Variants in PARD3 observed in about 807,000 individuals in gnomAD.
PARD3 encodes the protein partitioning defective 3 homolog.
In PARD3, 75 loss-of-function variants were observed where a neutral mutation model predicts 155.4. That is an observed-to-expected ratio of 0.48 (90% confidence interval 0.40 to 0.58). The LOEUF (loss-of-function observed/expected upper bound fraction) is 0.58. Ranked by LOEUF, PARD3 falls within the 20% of genes least tolerant of loss-of-function variation. PARD3 has a pLI of 0.00. For missense variants in PARD3, 1,642 were observed against 1,721.7 expected (o/e 0.95, Z 0.82); for synonymous variants, 576 against 610.5 (o/e 0.94, Z 0.83).
At chr10:34,483,573 T>A (rs1442576054) in intron 3 of PARD3, among the ~76,000 whole-genome samples, 2 of 151,916 alleles carry the variant, frequency 1.3e-5, no homozygotes, top group Non-Finnish European at 2.9e-5. Flanking sequence ...TTTCCTCATA[T>A]ATGTGCTGAG....
chr10:34,296,563 G>A (rs972109213), intron 20 of PARD3, among the ~76,000 whole-genome samples: 1 of 152,100 alleles, frequency 6.6e-6, no homozygotes. Context: ...ATATTAAAAT[G>A]AACTTTATAA....
intron 2 of PARD3, among the ~76,000 whole-genome samples, chr10:34,602,216 T>C (rs1435570832): frequency 3.3e-5 from 5 of 152,212 alleles, no homozygotes; most frequent in Admixed American, 3.3e-4. Flanking sequence ...ACTGGACAGA[T>C]CAATATATGT....
intron 2 of PARD3, among the ~76,000 whole-genome samples, chr10:34,565,955 A>G (rs1317446958): frequency 1.3e-5 from 2 of 152,202 alleles, no homozygotes; most frequent in East Asian, 1.9e-4. Flanking sequence ...TCATTTTTCA[A>G]TGATTAAATA....
intron 5 of PARD3, among the ~76,000 whole-genome samples, chr10:34,417,130 C>T (rs768990362): frequency 4.6e-5 from 7 of 152,128 alleles, no homozygotes; most frequent in Non-Finnish European, 8.8e-5. Context: ...CCAAATTGTA[C>T]ATAAAAACCC....
At position 34,776,807 on chromosome 10, in the gene PARD3, T is replaced by A. The variant is rs1588698588; in HGVS notation, c.120+38069A>T. ...AAAAAAACAAATTAAGGAGACTATT[T>A]CCAAGTATTTTCAGTCGTGTTTTTT... On this transcript the variant is annotated intron_variant, in intron 1 of 24. Transcript: ENST00000374788. Among the ~76,000 whole-genome samples the A allele has an allele frequency of 2.3e-5, 3 of 132,016 alleles. No individual in the cohort carries two copies. In the Admixed American group the frequency reaches 2.5e-4, roughly 11 times the overall value. The allele number at this position is 132,016 out of a possible 152,430, so 86.6% of individuals were successfully genotyped here.
intron 1 of PARD3, among the ~76,000 whole-genome samples, chr10:34,790,695 G>A (rs1196346132): frequency 1.3e-5 from 2 of 152,338 alleles, no homozygotes; most frequent in South Asian, 4.1e-4. Flanking sequence ...TTTATTGTAA[G>A]ATTTGTGTAA....
chr10:34,125,525 A>G (rs1386186133), intron 23 of PARD3, among the ~76,000 whole-genome samples: 6 of 152,226 alleles, frequency 3.9e-5, no homozygotes, highest in Non-Finnish European at 7.3e-5. Context: ...AAAGATGGAA[A>G]CGAAAGGAAA....
chr10:34,754,589 T>A (rs1836476221), intron 1 of PARD3, among the ~76,000 whole-genome samples: 2 of 152,212 alleles, frequency 1.3e-5, no homozygotes, highest in Non-Finnish European at 2.9e-5. Context: ...CCTTTTCATA[T>A]CATAGATACA....
chr10:34,165,321 T>C (rs1949478593), intron 22 of PARD3, among the ~76,000 whole-genome samples: 1 of 152,162 alleles, frequency 6.6e-6, no homozygotes, highest in Non-Finnish European at 1.5e-5. Context: ...CTTCTTCACT[T>C]CCCTTTTGAA....
intron 2 of PARD3, among the ~76,000 whole-genome samples, chr10:34,680,389 T>A (rs1286418441): frequency 6.6e-6 from 1 of 151,900 alleles, no homozygotes; most frequent in Admixed American, 6.6e-5. Flanking sequence ...TGAAACCCCA[T>A]CTCTACTAAA....
intron 22 of PARD3, among the ~76,000 whole-genome samples, chr10:34,134,471 T>C (rs948231591): frequency 6.6e-6 from 1 of 152,212 alleles, no homozygotes; most frequent in Admixed American, 6.5e-5. Context: ...CTCCTACTAT[T>C]TGCAATTCAC....
At chr10:34,807,299 A>G (rs772321813) in intron 1 of PARD3, among the ~76,000 whole-genome samples, 2 of 152,246 alleles carry the variant, frequency 1.3e-5, no homozygotes, top group Non-Finnish European at 2.9e-5. Context: ...ATGTCATTTT[A>G]TGAAATGCTC....
At chr10:34,486,388 G>C (rs984789946) in intron 3 of PARD3, among the ~76,000 whole-genome samples, 1 of 152,100 alleles carries the variant, frequency 6.6e-6, no homozygotes, top group Non-Finnish European at 1.5e-5. Context: ...TTTATTTTTT[G>C]TTTACAGTCT....
intron 2 of PARD3, among the ~76,000 whole-genome samples, chr10:34,584,872 A>C (rs1270215396): frequency 6.6e-6 from 1 of 152,136 alleles, no homozygotes; most frequent in Non-Finnish European, 1.5e-5. Context: ...CAGGCTCATT[A>C]GGTCTTCCCC....
intron 1 of PARD3, among the ~76,000 whole-genome samples, chr10:34,749,831 C>T (rs939391116): frequency 1.3e-5 from 2 of 151,898 alleles, no homozygotes; most frequent in African/African-American, 2.4e-5. Context: ...GACCAGCCTG[C>T]GCAACATGGT....
intron 2 of PARD3, among the ~76,000 whole-genome samples, chr10:34,566,033 A>G (rs1261761686): frequency 1.3e-5 from 2 of 152,254 alleles, no homozygotes; most frequent in African/African-American, 2.4e-5. Context: ...CACCCCAGTG[A>G]TAACACAGGA....
At chr10:34,638,983 C>T (rs1050706522) in intron 2 of PARD3, among the ~76,000 whole-genome samples, 6 of 152,188 alleles carry the variant, frequency 3.9e-5, no homozygotes, top group African/African-American at 1.4e-4. Context: ...TCAAAGATGA[C>T]TTCTAACTAG....
intron 22 of PARD3, among the ~76,000 whole-genome samples, chr10:34,149,865 A>G (rs537742510): frequency 1.3e-5 from 2 of 152,182 alleles, no homozygotes; most frequent in Admixed American, 6.5e-5. Context: ...GGAAACTCTG[A>G]GATTAAACTG....
intron 22 of PARD3, among the ~76,000 whole-genome samples, chr10:34,194,438 G>A (rs1402668666): frequency 4.6e-5 from 7 of 152,078 alleles, no homozygotes; most frequent in Non-Finnish European, 8.8e-5. Flanking sequence ...TCCTCCTGAT[G>A]TAAAACCAAG....
Sources: allele counts gnomAD v4.1 joint callset (sites outside exome capture counted in the v4.1 genomes callset), GRCh38; gene constraint gnomAD v4.1.1; transcripts MANE v1.5; gene names NCBI Gene and HGNC (gene_info 2026-07-23, HGNC 2026-07-21).